DRC11: variants seen among roughly 807,000 people sequenced by gnomAD.
DRC11 encodes the protein dynein regulatory complex subunit 11, also known as IQ and AAA domain-containing protein 1.
chr2:236,311,781 C>T, the DRC11 span, among the ~76,000 whole-genome samples: 2 of 151,702 alleles, frequency 1.3e-5, no homozygotes, highest in African/African-American at 4.9e-5. The surrounding 1 kb of genome is among the most constrained non-coding windows in gnomAD (Gnocchi z 6.9). Context: ...TTGAGACAAG[C>T]TCATGCCTGG....
chr2:236,368,153 C>A, the DRC11 span: 1 of 1,215,510 alleles, frequency 8.2e-7, no homozygotes, highest in Non-Finnish European at 1.2e-6. Context: ...GCGGTGCAAG[C>A]TGCTTTGGAA....
At chr2:236,474,893 A>G in the DRC11 span, among the ~76,000 whole-genome samples, 1 of 152,172 alleles carries the variant, frequency 6.6e-6, no homozygotes, top group Non-Finnish European at 1.5e-5. Context: ...TGATATTTGG[A>G]TATATTTATG....
At chr2:236,477,174 C>T in the DRC11 span, among the ~76,000 whole-genome samples, 1 of 152,134 alleles carries the variant, frequency 6.6e-6, no homozygotes, top group South Asian at 2.1e-4. Context: ...GCTGGTGACA[C>T]ACACAGTAAA....
At chr2:236,357,422 A>G in the DRC11 span, among the ~76,000 whole-genome samples, 1 of 125,344 alleles carries the variant, frequency 8.0e-6, no homozygotes, top group Admixed American at 8.6e-5. Flanking sequence ...TATTATAAAT[A>G]ATTTACATAG....
the DRC11 span, among the ~76,000 whole-genome samples, chr2:236,369,799 C>CATT: frequency 6.6e-6 from 1 of 152,200 alleles, no homozygotes; most frequent in Non-Finnish European, 1.5e-5. The surrounding 1 kb of genome is among the most constrained non-coding windows in gnomAD (Gnocchi z 4.5). Context: ...CCCATCCGTG[C>CATT]ATTCGGAGCT....
At chr2:236,423,835 A>C in the DRC11 span, among the ~76,000 whole-genome samples, 1 of 152,150 alleles carries the variant, frequency 6.6e-6, no homozygotes, top group Non-Finnish European at 1.5e-5. Flanking sequence ...TATTAAGAAA[A>C]TGTGGCACAT....
At chr2:236,358,748 G>C in the DRC11 span, among the ~76,000 whole-genome samples, 141 of 149,488 alleles carry the variant, frequency 9.4e-4, no homozygotes, top group African/African-American at 3.4e-3. Flanking sequence ...GATGAGAAAA[G>C]TGACACTCAG....
the DRC11 span, chr2:236,392,354 C>T: frequency 5.2e-6 from 8 of 1,538,546 alleles, no homozygotes; most frequent in Non-Finnish European, 7.1e-6. The surrounding 1 kb of genome is among the most constrained non-coding windows in gnomAD (Gnocchi z 5.1). Flanking sequence ...CAGATTTCTA[C>T]ACTCCAGAAG....
the DRC11 span, among the ~76,000 whole-genome samples, chr2:236,330,158 T>G: frequency 1.0e-3 from 154 of 152,358 alleles, no homozygotes; most frequent in African/African-American, 3.4e-3. The surrounding 1 kb of genome is among the most constrained non-coding windows in gnomAD (Gnocchi z 5.5). Context: ...TACTAATAAT[T>G]CAAATGCTTG....
chr2:236,309,565 A>T, the DRC11 span, among the ~76,000 whole-genome samples: 1 of 152,226 alleles, frequency 6.6e-6, no homozygotes, highest in Non-Finnish European at 1.5e-5. This position sits in a 1 kb window ranked among gnomAD's most constrained non-coding sequence, Gnocchi z 5.7. Context: ...TCCAACATTT[A>T]CTTACTGGAA....
the DRC11 span, among the ~76,000 whole-genome samples, chr2:236,466,897 T>G: frequency 1.3e-5 from 2 of 152,248 alleles, no homozygotes; most frequent in African/African-American, 4.8e-5. Context: ...TGAGTGTAAC[T>G]TTCAGAATGA....
At chr2:236,396,190 A>G in the DRC11 span, among the ~76,000 whole-genome samples, 3 of 150,580 alleles carry the variant, frequency 2.0e-5, no homozygotes, top group East Asian at 5.9e-4. Flanking sequence ...ATGGCCCTCA[A>G]AGGGCAACAA....
At chr2:236,478,041 C>CA in the DRC11 span, among the ~76,000 whole-genome samples, 1 of 149,582 alleles carries the variant, frequency 6.7e-6, no homozygotes, top group Non-Finnish European at 1.5e-5. The surrounding 1 kb of genome is among the most constrained non-coding windows in gnomAD (Gnocchi z 5.9). Context: ...GTTTTAGTCT[C>CA]AATTTCATTT....
chr2:236,377,825 G>A, the DRC11 span, among the ~76,000 whole-genome samples: 3 of 152,136 alleles, frequency 2.0e-5, no homozygotes, highest in African/African-American at 7.2e-5. This position sits in a 1 kb window ranked among gnomAD's most constrained non-coding sequence, Gnocchi z 4.9. Flanking sequence ...TATACTAATT[G>A]AGAAAAAAAT....
At chr2:236,337,285 A>C in the DRC11 span, among the ~76,000 whole-genome samples, 1 of 152,112 alleles carries the variant, frequency 6.6e-6, no homozygotes, top group Non-Finnish European at 1.5e-5. The surrounding 1 kb of genome is among the most constrained non-coding windows in gnomAD (Gnocchi z 4.9). Context: ...GTTTTCACAC[A>C]GCACTAGATA....
At chr2:236,322,816 A>G in the DRC11 span, among the ~76,000 whole-genome samples, 1 of 152,250 alleles carries the variant, frequency 6.6e-6, no homozygotes, top group East Asian at 1.9e-4. Context: ...TGAACATTGA[A>G]TACAATAAAA....
chr2:236,459,527 A>G, the DRC11 span, among the ~76,000 whole-genome samples: 211 of 69,564 alleles, frequency 3.0e-3, 4 homozygotes, highest in Middle Eastern at 8.8e-3. Flanking sequence ...ACATGTATAC[A>G]TGTATACGTA....
the DRC11 span, among the ~76,000 whole-genome samples, chr2:236,425,280 G>A: frequency 4.6e-5 from 7 of 151,958 alleles, no homozygotes; most frequent in Non-Finnish European, 1.0e-4. Context: ...CCCACCAACA[G>A]TGTACAAGGG....
the DRC11 span, among the ~76,000 whole-genome samples, chr2:236,453,306 T>C: frequency 6.6e-6 from 1 of 152,226 alleles, no homozygotes; most frequent in East Asian, 1.9e-4. This position sits in a 1 kb window ranked among gnomAD's most constrained non-coding sequence, Gnocchi z 4.9. Flanking sequence ...AGGACAAGTT[T>C]AGGGTCTAGA....
Sources: gnomAD v4.1 joint callset for allele counts (sites outside exome capture counted in the v4.1 genomes callset) on GRCh38, gnomAD v4.1.1 for gene constraint, Gnocchi (gnomAD v3.1) non-coding constraint, MANE v1.5 for transcripts, NCBI Gene and HGNC (gene_info 2026-07-23, HGNC 2026-07-21) for gene names.